The following RGS22 variants were observed in gnomAD, a reference collection of about 807,000 sequenced individuals.
The protein encoded by RGS22 is regulator of G protein signaling 22.
A neutral mutation model predicts 172.9 loss-of-function variants in RGS22; 148 were observed. The observed-to-expected ratio is 0.86, with a 90% CI of 0.75 to 0.98. RGS22 has a LOEUF of 0.98. RGS22 is among the 50% of genes least tolerant of loss of function. The pLI, the probability that RGS22 is intolerant of heterozygous loss-of-function variation, is 0.00. For missense variants in RGS22, 1,347 were observed against 1,440.8 expected (o/e 0.93, Z 1.05); for synonymous variants, 458 against 480.2 (o/e 0.95, Z 0.60).
rs1230730023 is a variant in RGS22, at chr8:100,066,282, T to G, written c.609A>C (p.Gln203His). ...YVSLGEASYTQTKDWFALAKQ... is the reference protein window; with the variant it reads ...YVSLGEASYTHTKDWFALAKQ... ...TTGCTAATGCAAACCAATCTTTTGT[T>G]TGAGTATAGGAAGCCTAGGAAGAAG... Residue 203 changes from glutamine (Q) to histidine (H), a missense_variant, in exon 7 of 28, where the codon CAA (glutamine) becomes CAC (histidine). By Grantham distance (24) the Gln-to-His change is conservative (BLOSUM62 0). Transcript: ENST00000360863. 3 of 1,613,376 alleles carry G rather than the reference T, an allele frequency of 1.9e-6. No homozygotes were observed. Among genetic ancestry groups the G allele is most frequent in the Non-Finnish European group, 2.5e-6 (3 of 1,179,470 alleles).
chr8:99,985,548 T>A (rs1363511153), intron 21 of RGS22, among the ~76,000 whole-genome samples: 1 of 152,246 alleles, frequency 6.6e-6, no homozygotes, highest in African/African-American at 2.4e-5. Flanking sequence ...TTTGTTCTCA[T>A]GGATGTCTTC....
intron 14 of RGS22, among the ~76,000 whole-genome samples, chr8:100,025,399 A>G (rs1437758527): frequency 6.6e-6 from 1 of 152,216 alleles, no homozygotes; most frequent in Non-Finnish European, 1.5e-5. Flanking sequence ...ACCAAAATTT[A>G]CCATAAAGCT....
chr8:100,078,725 T>G (rs1811535509), intron 4 of RGS22, among the ~76,000 whole-genome samples: 1 of 151,944 alleles, frequency 6.6e-6, no homozygotes, highest in South Asian at 2.1e-4. Flanking sequence ...TCTCCAGGCT[T>G]AGGTGATCCT....
intron 11 of RGS22, among the ~76,000 whole-genome samples, chr8:100,043,424 T>C (rs1425207833): frequency 3.9e-5 from 6 of 152,226 alleles, no homozygotes; most frequent in Non-Finnish European, 7.3e-5. Context: ...GACTCAAGTC[T>C]TCACATTAAA....
At chr8:100,029,702 C>CAAAAAAAA (rs369058108) in intron 14 of RGS22, among the ~76,000 whole-genome samples, 611 of 59,134 alleles carry the variant, frequency 0.01, no homozygotes, top group Middle Eastern at 0.02. Context: ...AACTCCGTCT[C>CAAAAAAAA]AAAAAAAAAA....
chr8:99,964,192 C>T (rs1024081169), intron 24 of RGS22, among the ~76,000 whole-genome samples: 11 of 152,102 alleles, frequency 7.2e-5, no homozygotes, highest in Non-Finnish European at 5.9e-5. Context: ...TTACCTCACA[C>T]CTGTAATCCT....
intron 19 of RGS22, among the ~76,000 whole-genome samples, 191 bp from the exon 20 acceptor site, chr8:99,996,721 C>A (rs1327556281): frequency 6.6e-6 from 1 of 152,242 alleles, no homozygotes; most frequent in East Asian, 1.9e-4. Flanking sequence ...AACACTCTAA[C>A]CTCATCTGTA....
chr8:100,065,412 T>C (rs1386147949), intron 7 of RGS22, among the ~76,000 whole-genome samples: 2 of 152,200 alleles, frequency 1.3e-5, no homozygotes, highest in African/African-American at 4.8e-5. Flanking sequence ...TATTTTCAAT[T>C]GGGGAGATTA....
At chr8:99,981,799 C>G in intron 22 of RGS22, 138 bp downstream of exon 22, 1 of 427,456 alleles carries the variant, frequency 2.3e-6, no homozygotes, top group South Asian at 4.7e-5. Context: ...TGAGCTCAAA[C>G]AATCTGCCTG....
At chr8:99,962,859 A>AC (rs770123485) in intron 25 of RGS22, 26 bp downstream of exon 25, 1 of 1,579,822 alleles carries the variant, frequency 6.3e-7, no homozygotes, top group African/African-American at 1.4e-5. Context: ...AAAAAAGTAA[A>AC]CTTGTAGGCA....
At chr8:100,076,359 G>C (rs1811347949) in intron 4 of RGS22, among the ~76,000 whole-genome samples, 1 of 151,980 alleles carries the variant, frequency 6.6e-6, no homozygotes, top group African/African-American at 2.4e-5. Context: ...GATTTAATTT[G>C]CTGATTTTTT....
At chr8:99,974,925 ATTAC>A (rs1477906725) in intron 23 of RGS22, among the ~76,000 whole-genome samples, 3 of 152,088 alleles carry the variant, frequency 2.0e-5, no homozygotes, top group African/African-American at 7.2e-5. Flanking sequence ...AGGTGGGCGG[ATTAC>A]TTGAGGTCAA....
intron 3 of RGS22, among the ~76,000 whole-genome samples, chr8:100,089,771 T>C (rs1272265528): frequency 1.3e-5 from 2 of 152,154 alleles, no homozygotes; most frequent in South Asian, 4.1e-4. Flanking sequence ...TTTGTTTTGG[T>C]CCATTTCACA....
chr8:99,994,031 T>C (rs573042310), intron 20 of RGS22, among the ~76,000 whole-genome samples: 1 of 152,282 alleles, frequency 6.6e-6, no homozygotes, highest in Middle Eastern at 3.4e-3. Context: ...ATTATCTCAA[T>C]AGATGCAGAA....
At chr8:100,068,547 G>A (rs1357505371) in intron 6 of RGS22, among the ~76,000 whole-genome samples, 3 of 151,914 alleles carry the variant, frequency 2.0e-5, no homozygotes, top group Non-Finnish European at 4.4e-5. Flanking sequence ...TTATTCCCCA[G>A]ATTGATTCTT....
At chr8:100,036,544 C>A (rs1243029323) in intron 14 of RGS22, among the ~76,000 whole-genome samples, 1 of 152,156 alleles carries the variant, frequency 6.6e-6, no homozygotes, top group African/African-American at 2.4e-5. Context: ...ATCTCAGTCT[C>A]CTAGCACACG....
intron 3 of RGS22, among the ~76,000 whole-genome samples, chr8:100,087,612 TA>T (rs1428284545): frequency 2.0e-5 from 3 of 152,144 alleles, no homozygotes; most frequent in Admixed American, 1.3e-4. Flanking sequence ...GTATTTAAAT[TA>T]AAAACTAATG....
intron 14 of RGS22, 96 bp from the exon 15 acceptor site, chr8:100,008,665 G>A: frequency 1.2e-6 from 1 of 859,532 alleles, no homozygotes; most frequent in Non-Finnish European, 1.8e-6. Flanking sequence ...ACTAAGAGAA[G>A]GCAAATAAGC....
chr8:100,105,708 T>C (rs1813882148), intron 1 of RGS22, 189 bp downstream of exon 1: 1 of 561,912 alleles, frequency 1.8e-6, no homozygotes, highest in East Asian at 3.3e-5. Flanking sequence ...GATAACGTGG[T>C]GCCAGCATAA....
Sources: allele counts gnomAD v4.1 joint callset (sites outside exome capture counted in the v4.1 genomes callset), GRCh38; gene constraint gnomAD v4.1.1; transcripts MANE v1.5; gene names NCBI Gene and HGNC (gene_info 2026-07-23, HGNC 2026-07-21).